The following OR8H1 variants were observed in gnomAD, a reference collection of about 807,000 sequenced individuals.
OR8H1 encodes the protein olfactory receptor family 8 subfamily H member 1.
For missense variants in OR8H1, 388 were observed against 374.1 expected (o/e 1.04, Z -0.31); for synonymous variants, 135 against 134.5 (o/e 1.00, Z -0.03).
Position 56,290,004 on chromosome 11 carries a change from A to C in OR8H1, c.*123T>G. ...TTCAAGATCACGTTTAGTCAAGCAA[A>C]GGTTAGCACAACAGAAATGCAAACA... On this transcript the variant is annotated 3_prime_UTR_variant, in exon 2 of 2. Coordinates refer to ENST00000641600, the MANE Select transcript of OR8H1 (RefSeq NM_001005199.2). The C allele has an allele frequency of 1.2e-6, 1 of 847,712 alleles. No homozygotes were observed. Among genetic ancestry groups the C allele is most frequent in the Non-Finnish European group, 2.0e-6 (1 of 493,028 alleles). 52.5% of individuals were successfully genotyped at this position (847,712 alleles called of 1,614,324 possible). A position where few individuals can be genotyped will look rare whatever the true frequency, so the allele number is the denominator to read the frequency against.
chr11:56,289,881 G>A lies in OR8H1; in HGVS notation c.*246C>T, dbSNP rs933573984. 2 of 509,318 alleles carry A rather than the reference G, an allele frequency of 3.9e-6. No homozygotes were observed. The highest frequency in any genetic ancestry group is 7.0e-6 in the Non-Finnish European group (2 of 283,732). 31.5% of individuals were successfully genotyped at this position (509,318 alleles called of 1,614,324 possible). A position where few individuals can be genotyped will look rare whatever the true frequency, so the allele number is the denominator to read the frequency against. ...GTGATCCACCCACCTCGGCCTCCCAGAGTGCTGGGATTATAGGCATGAGCC... is the reference window on the plus strand; with the variant it reads ...GTGATCCACCCACCTCGGCCTCCCAAAGTGCTGGGATTATAGGCATGAGCC... On this transcript the variant is annotated 3_prime_UTR_variant, in exon 2 of 2. Transcript: ENST00000641600.
At position 56,290,243 on chromosome 11, in the gene OR8H1, A is replaced by T. The variant is rs1289867440; in HGVS notation, c.820T>A (p.Ser274Thr). Reference protein sequence around the residue: ...SYSLGRDQVASVFYTIVIPML... With the variant: ...SYSLGRDQVATVFYTIVIPML... ...GGAATCACAATAGTATAAAAAACAG[A>T]AGCCACTTGATCCCTTCCCAAAGAA... The change falls in exon 2 of 2, where the codon TCT (serine) becomes ACT (threonine). Residue 274 changes from serine to threonine, a missense_variant. Ser to Thr is a moderately conservative substitution (Grantham distance 58). Coordinates refer to ENST00000641600, the MANE Select transcript of OR8H1 (RefSeq NM_001005199.2). The T allele has an allele frequency of 6.2e-7, 1 of 1,612,940 alleles. No individual in the cohort carries two copies. The highest frequency in any genetic ancestry group is 2.2e-5 in the East Asian group (1 of 44,876).
At position 56,290,502 on chromosome 11, in the gene OR8H1, G is replaced by A. The variant is rs202106878; in HGVS notation, c.561C>T (p.Ser187=). ...TTTCAATGTCGTATGTGTCCATGCA[G>A]GACAGAGCTAAAATTGGAGACGTGT... is the stretch of plus-strand genomic sequence containing the variant. ...FCDTSPILAL[S]CMDTYDIEIM... Residue 187 remains serine, a synonymous_variant, in exon 2 of 2, where the codon TCC becomes TCT. Transcript: ENST00000641600. 1.2e-6 allele frequency: 2 copies of A among 1,614,196 alleles called. No individual in the cohort carries two copies. The highest frequency in any genetic ancestry group is 1.7e-6 in the Non-Finnish European group (2 of 1,180,028).
chr11:56,289,090 T>C lies in OR8H1; in HGVS notation c.*1037A>G, dbSNP rs1024039434. On this transcript the variant is annotated 3_prime_UTR_variant, in exon 2 of 2. Transcript: ENST00000641600. ...TTTCCTTTTTAGTTGCTTGTGTGCC[T>C]GTAAATTAAATTAACCAAAAGTAAT... 9 of 152,136 alleles carry C rather than the reference T, an allele frequency of 5.9e-5. No homozygotes were observed. Among genetic ancestry groups the C allele is most frequent in the African/African-American group, 2.2e-4 (9 of 41,452 alleles). The allele number at this position is 152,136 out of a possible 1,614,324, so 9.4% of individuals were successfully genotyped here.
At position 56,288,950 on chromosome 11, in the gene OR8H1, TATA is replaced by T. The variant is rs2134833354; in HGVS notation, c.*1174_*1176del. The T allele has an allele frequency of 6.6e-6, 1 of 152,242 alleles. No homozygotes were observed. Among genetic ancestry groups the T allele is most frequent in the Non-Finnish European group, 1.5e-5 (1 of 67,976 alleles). The allele number at this position is 152,242 out of a possible 1,614,324, so 9.4% of individuals were successfully genotyped here. A position where few individuals can be genotyped will look rare whatever the true frequency, so the allele number is the denominator to read the frequency against. On this transcript the variant is annotated 3_prime_UTR_variant, in exon 2 of 2. Transcript: ENST00000641600. The stretch of plus-strand genomic sequence containing the variant: ...AGGGTTTCTATTTTCCTTAATATTT[TATA>T]ATATTTTTCAAATTTTCTCTAACAA...
rs753365115 is a variant in OR8H1 at position 56,290,091 on chromosome 11, G to A, written c.*36C>T. The A allele has an allele frequency of 6.8e-7, 1 of 1,476,924 alleles. No homozygotes were observed. The highest frequency in any genetic ancestry group is 9.5e-7 in the Non-Finnish European group (1 of 1,055,174). 91.5% of individuals were successfully genotyped at this position (1,476,924 alleles called of 1,614,324 possible). On this transcript the variant is annotated 3_prime_UTR_variant, in exon 2 of 2. Transcript: ENST00000641600. ...CATACCAAATAGAAAAGAAAGAAAA[G>A]ATGAGTTTAAATGTTCAGCATTCCT...
At position 56,290,982 on chromosome 11, in the gene OR8H1, G is replaced by A; in HGVS notation, c.81C>T (p.Leu27=). The part of the protein sequence containing the change: ...LSDSEEVQMA[L]FILFLLIYLI... Reference sequence around the variant, plus strand: ...GGTATATCAGGAGAAATAGTATAAAGAGGGCCATCTGGACCTCTTCAGAAT... The same window carrying A: ...GGTATATCAGGAGAAATAGTATAAAAAGGGCCATCTGGACCTCTTCAGAAT... Residue 27 remains leucine, a synonymous_variant, in exon 2 of 2, where the codon CTC becomes CTT. Transcript: ENST00000641600. The A allele has an allele frequency of 1.2e-6, 2 of 1,614,112 alleles. No individual in the cohort carries two copies. The highest frequency in any genetic ancestry group is 1.7e-6 in the Non-Finnish European group (2 of 1,179,994).
At position 56,290,016 on chromosome 11, in the gene OR8H1, C is replaced by T; in HGVS notation, c.*111G>A. The T allele has an allele frequency of 1.1e-6, 1 of 924,828 alleles. No individual in the cohort carries two copies. Among genetic ancestry groups the T allele is most frequent in the Non-Finnish European group, 1.8e-6 (1 of 556,528 alleles). The allele number at this position is 924,828 out of a possible 1,614,324, so 57.3% of individuals were successfully genotyped here. On this transcript the variant is annotated 3_prime_UTR_variant, in exon 2 of 2. Transcript: ENST00000641600. ...TTTAGTCAAGCAAAGGTTAGCACAA[C>T]AGAAATGCAAACATGAAGGATTCAA... is the stretch of plus-strand genomic sequence containing the variant.
Position 56,290,051 on chromosome 11 carries a change from T to G in OR8H1, c.*76A>C. ...AACATGAAGGATTCAATTGTTTTTA[T>G]AGGGAGACCAAGGACATACCAAATA... On this transcript the variant is annotated 3_prime_UTR_variant, in exon 2 of 2. Transcript: ENST00000641600. The G allele has an allele frequency of 3.4e-6, 4 of 1,174,534 alleles. No individual in the cohort carries two copies. Among genetic ancestry groups the G allele is most frequent in the Non-Finnish European group, 3.8e-6 (3 of 780,144 alleles). 72.8% of individuals were successfully genotyped at this position (1,174,534 alleles called of 1,614,324 possible).
In OR8H1 at chr11:56,290,348, T is replaced by C. The variant is rs543405983; in HGVS notation, c.715A>G (p.Thr239Ala). Residue 239 changes from threonine (T) to alanine (A), a missense_variant, in exon 2 of 2, where the codon ACT becomes GCT. Physicochemically the swap from Thr to Ala is moderately conservative, Grantham distance 58 (BLOSUM62 0). Coordinates refer to ENST00000641600, the MANE Select transcript of OR8H1 (RefSeq NM_001005199.2). ...ACTCCCAAGAGATGAGAGGCACAAG[T>C]AGACAAAGCTTTCTGCTTTCCTGAA... is the stretch of plus-strand genomic sequence containing the variant. ...STSGKQKALS[T>A]CASHLLGVTI... 3 of 1,614,186 alleles carry C rather than the reference T, an allele frequency of 1.9e-6. No individual in the cohort carries two copies. The highest frequency in any genetic ancestry group is 2.5e-6 in the Non-Finnish European group (3 of 1,180,016).
At position 56,290,728 on chromosome 11, in the gene OR8H1, A is replaced by C. The variant is rs1236990932; in HGVS notation, c.335T>G (p.Phe112Cys). 1 of 1,614,048 alleles carries C rather than the reference A, an allele frequency of 6.2e-7. No homozygotes were observed. The highest frequency in any genetic ancestry group is 1.7e-5 in the Admixed American group (1 of 60,004). ...FFVFLGAAEC[F>C]LLSSMAYDRY... ...ATCATAGGCCATTGATGAGAGAAGA[A>C]AACATTCAGCAGCTCCCAAGAAGAC... The change falls in exon 2 of 2, where the codon TTT (phenylalanine) becomes TGT (cysteine). Residue 112 changes from phenylalanine (F) to cysteine (C), a missense_variant. Physicochemically the swap from Phe to Cys is radical, Grantham distance 205. Transcript: ENST00000641600.
intron 1 of OR8H1, 50 bp from the exon 2 acceptor site, chr11:56,291,134 G>T: frequency 1.9e-6 from 2 of 1,050,838 alleles, no homozygotes; most frequent in South Asian, 1.6e-5. Context: ...AAAGGTTTCT[G>T]ATTATACAAT....
rs1477617438 is a variant in OR8H1, at chr11:56,290,717, A to G, written c.346T>C (p.Ser116Pro). 1 of 1,614,174 alleles carries G rather than the reference A, an allele frequency of 6.2e-7. No individual in the cohort carries two copies. The highest frequency in any genetic ancestry group is 2.2e-5 in the East Asian group (1 of 44,882). ...GCTACGTAGCGATCATAGGCCATTG[A>G]TGAGAGAAGAAAACATTCAGCAGCT... Reference protein sequence around the residue: ...LGAAECFLLSSMAYDRYVAIC... With the variant: ...LGAAECFLLSPMAYDRYVAIC... Residue 116 changes from serine (S) to proline (P), a missense_variant, in exon 2 of 2, where the codon TCA (serine) becomes CCA (proline). Coordinates refer to ENST00000641600, the MANE Select transcript of OR8H1 (RefSeq NM_001005199.2).
At position 56,290,976 on chromosome 11, in the gene OR8H1, T is replaced by C. The variant is rs374684309; in HGVS notation, c.87A>G (p.Ile29Met). Residue 29 changes from isoleucine to methionine, a missense_variant, in exon 2 of 2, where the codon ATA becomes ATG. Physicochemically the swap from Ile to Met is conservative, Grantham distance 10. Coordinates refer to ENST00000641600, the MANE Select transcript of OR8H1 (RefSeq NM_001005199.2). ...TAATTAGGTATATCAGGAGAAATAG[T>C]ATAAAGAGGGCCATCTGGACCTCTT... ...DSEEVQMALF[I>M]LFLLIYLITM... 1.3e-5 allele frequency: 21 copies of C among 1,614,092 alleles called. 1 individual carries two copies. Among genetic ancestry groups the C allele is most frequent in the Middle Eastern group, 1.6e-4 (1 of 6,062 alleles).
In OR8H1 at chr11:56,290,958, G is replaced by T. The variant is rs771089845; in HGVS notation, c.105C>A (p.Tyr35Ter). ...CCACATTGCCCAGCATAGTAATTAG[G>T]TATATCAGGAGAAATAGTATAAAGA... is the stretch of plus-strand genomic sequence containing the variant. ...MALFILFLLI[Y>*]LITMLGNVGM... is the part of the protein sequence containing the mutation. Residue 35 changes from tyrosine (Y) to a stop codon, truncating the protein, a stop_gained, in exon 2 of 2, where the codon TAC (tyrosine) becomes TAA (stop). Transcript: ENST00000641600. LOFTEE classifies it low-confidence loss of function (END_TRUNC). The T allele has an allele frequency of 1.2e-6, 2 of 1,614,098 alleles. No individual in the cohort carries two copies. Among genetic ancestry groups the T allele is most frequent in the Non-Finnish European group, 1.7e-6 (2 of 1,180,002 alleles).
Position 56,290,958 on chromosome 11 carries a change from G to A in OR8H1, c.105C>T (p.Tyr35=). 6.2e-7 allele frequency: 1 copy of A among 1,614,098 alleles called. No individual in the cohort carries two copies. Among genetic ancestry groups the A allele is most frequent in the East Asian group, 2.2e-5 (1 of 44,878 alleles). Residue 35 remains tyrosine, a synonymous_variant, in exon 2 of 2, where the codon TAC becomes TAT. Coordinates refer to ENST00000641600, the MANE Select transcript of OR8H1 (RefSeq NM_001005199.2). ...CCACATTGCCCAGCATAGTAATTAG[G>A]TATATCAGGAGAAATAGTATAAAGA... is the stretch of plus-strand genomic sequence containing the variant. The part of the protein sequence containing the change: ...MALFILFLLI[Y]LITMLGNVGM...
Position 56,288,971 on chromosome 11 carries a change from T to A in OR8H1, c.*1156A>T, listed in dbSNP as rs971240230. 1.3e-5 allele frequency: 2 copies of A among 152,122 alleles called. No homozygotes were observed. Among genetic ancestry groups the A allele is most frequent in the Non-Finnish European group, 2.9e-5 (2 of 67,972 alleles). 9.4% of individuals were successfully genotyped at this position (152,122 alleles called of 1,614,324 possible). A position where few individuals can be genotyped will look rare whatever the true frequency, so the allele number is the denominator to read the frequency against. Reference sequence around the variant, plus strand: ...ATTTTATAATATTTTTCAAATTTTCTCTAACAATATATGCTATTTTATTAT... The same window carrying A: ...ATTTTATAATATTTTTCAAATTTTCACTAACAATATATGCTATTTTATTAT... On this transcript the variant is annotated 3_prime_UTR_variant, in exon 2 of 2. Transcript: ENST00000641600.
In OR8H1 at chr11:56,291,963, A is replaced by T. The variant is rs1474099927; in HGVS notation, c.-35T>A. On this transcript the variant is annotated 5_prime_UTR_variant, in exon 1 of 2. Coordinates refer to ENST00000641600, the MANE Select transcript of OR8H1 (RefSeq NM_001005199.2). ...GAATAATACTTACCGTGTCTGAGCCAAAGTTGGTGAAAAAGCTTTCTTCTC... is the reference window on the plus strand; with the variant it reads ...GAATAATACTTACCGTGTCTGAGCCTAAGTTGGTGAAAAAGCTTTCTTCTC... 2.6e-5 allele frequency: 4 copies of T among 152,182 alleles called. No homozygotes were observed. Among genetic ancestry groups the T allele is most frequent in the Admixed American group, 1.3e-4 (2 of 15,268 alleles). The allele number at this position is 152,182 out of a possible 1,614,324, so 9.4% of individuals were successfully genotyped here.
At position 56,288,955 on chromosome 11, in the gene OR8H1, TA is replaced by T. The variant is rs1216979790; in HGVS notation, c.*1171del. The T allele has an allele frequency of 6.6e-6, 1 of 152,120 alleles. No individual in the cohort carries two copies. The highest frequency in any genetic ancestry group is 1.5e-5 in the Non-Finnish European group (1 of 67,980). 9.4% of individuals were successfully genotyped at this position (152,120 alleles called of 1,614,324 possible). On this transcript the variant is annotated 3_prime_UTR_variant, in exon 2 of 2. Coordinates refer to ENST00000641600, the MANE Select transcript of OR8H1 (RefSeq NM_001005199.2). Reference sequence around the variant, plus strand: ...TTCTATTTTCCTTAATATTTTATAATATTTTTCAAATTTTCTCTAACAATAT... The same window carrying T: ...TTCTATTTTCCTTAATATTTTATAATTTTTTCAAATTTTCTCTAACAATAT...
Sources: gnomAD v4.1 joint callset for allele counts on GRCh38, gnomAD v4.1.1 for gene constraint, MANE v1.5 for transcripts, NCBI Gene and HGNC (gene_info 2026-07-23, HGNC 2026-07-21) for gene names.